The following METTL15 variants were observed in gnomAD, a reference collection of about 807,000 sequenced individuals.
METTL15 encodes the protein methyltransferase 15, mitochondrial 12S rRNA N4-cytidine.
METTL15 carries 34 observed loss-of-function variants against 38.3 expected under a neutral mutation model. The ratio of observed to expected loss-of-function variants is 0.89; its 90% CI spans 0.68 to 1.18. The LOEUF (loss-of-function observed/expected upper bound fraction) is 1.18. METTL15 is among the 50% of genes most tolerant of loss of function. The pLI is 0.00. For missense variants in METTL15, 438 were observed against 498.4 expected, an observed-to-expected ratio of 0.88 and a Z score of 1.15; for synonymous variants, 162 against 170.9, an observed-to-expected ratio of 0.95 and a Z score of 0.41.
chr11:28,151,190 A>G (rs1037777875), intron 3 of METTL15, among the ~76,000 whole-genome samples: 2 of 151,910 alleles, frequency 1.3e-5, no homozygotes, highest in East Asian at 1.9e-4. Context: ...ATTATACTAT[A>G]TATAATTTAC....
chr11:28,479,815 A>G lies in METTL15; in HGVS notation c.*425-46663A>G, dbSNP rs7948636. 7.1e-3 allele frequency among the ~76,000 whole-genome samples: 1,075 copies of G among 152,322 alleles called. 8 individuals carry two copies. Among genetic ancestry groups the G allele is most frequent in the African/African-American group, 0.023 (975 of 41,584 alleles). The stretch of plus-strand genomic sequence containing the variant: ...ATGTACATGTTTATAAGTTTATTAA[A>G]CATTTTACTAACATAAAGTATGTGC... On this transcript the variant is annotated intron_variant and NMD_transcript_variant, in intron 6 of 7. Coordinates refer to the METTL15 transcript ENST00000532947.
intron 6 of METTL15, among the ~76,000 whole-genome samples, chr11:28,297,375 A>G (rs895445593): frequency 6.6e-6 from 1 of 152,062 alleles, no homozygotes; most frequent in South Asian, 2.1e-4. Context: ...ATTTTGGGCA[A>G]AAGGAGAATT....
chr11:28,461,164 T>A (rs1003903306), intron 6 of METTL15, among the ~76,000 whole-genome samples: 1 of 152,080 alleles, frequency 6.6e-6, no homozygotes, highest in Non-Finnish European at 1.5e-5. Flanking sequence ...AGGGTTGGCA[T>A]CATTAGATAA....
chr11:28,370,576 G>A (rs1225176907), intron 5 of METTL15, among the ~76,000 whole-genome samples: 1 of 151,872 alleles, frequency 6.6e-6, no homozygotes, highest in Non-Finnish European at 1.5e-5. Flanking sequence ...ATACCCAATA[G>A]TAGAATTGCT....
chr11:28,290,161 C>T, intron 4 of METTL15, 45 bp from the exon 5 acceptor site: 1 of 1,497,320 alleles, frequency 6.7e-7, no homozygotes, highest in Non-Finnish European at 9.0e-7. Flanking sequence ...AGAAAGACTT[C>T]AATCTAACAG....
intron 4 of METTL15, among the ~76,000 whole-genome samples, chr11:28,267,504 C>T (rs1463993913): frequency 6.6e-6 from 1 of 152,130 alleles, no homozygotes; most frequent in Non-Finnish European, 1.5e-5. Context: ...TTTGATATTA[C>T]TTGTCACTTA....
chr11:28,122,355 GTGTGTGTGTGTGTGTGTATATATA>G (rs1852284020), intron 3 of METTL15, among the ~76,000 whole-genome samples: 1 of 118,452 alleles, frequency 8.4e-6, no homozygotes, highest in Non-Finnish European at 1.8e-5. Flanking sequence ...GTGTGTGTGT[GTGTGTGTGTGTGTGTGTATATATA>G]TATATATATA....
chr11:28,417,868 A>G (rs1850786764), intron 5 of METTL15, among the ~76,000 whole-genome samples: 2 of 152,198 alleles, frequency 1.3e-5, no homozygotes, highest in Admixed American at 1.3e-4. Flanking sequence ...ATATGTATAA[A>G]AATAGGTTCA....
chr11:28,348,567 C>G (rs191690826), intron 3 of METTL15, among the ~76,000 whole-genome samples: 3 of 152,192 alleles, frequency 2.0e-5, no homozygotes, highest in Non-Finnish European at 2.9e-5. Context: ...CGGAGTCTCA[C>G]TATGTTGCCC....
chr11:28,330,646 C>T lies in METTL15; in HGVS notation c.1029C>T (p.Asn343=), dbSNP rs1420681848. The T allele has an allele frequency of 6.4e-7, 1 of 1,551,356 alleles. No individual in the cohort carries two copies. Among genetic ancestry groups the T allele is most frequent in the South Asian group, 1.2e-5 (1 of 84,050 alleles). The change falls in exon 7 of 7, where the codon AAC becomes AAT. Residue 343 remains asparagine, a synonymous_variant. Coordinates refer to ENST00000407364, the MANE Select transcript of METTL15 (RefSeq NM_001113528.2). ...LLGISMTERF[N]LSVRQQVMKT... is the part of the protein sequence containing the mutation. Reference sequence around the variant, plus strand: ...GAATAAGCATGACAGAAAGATTTAACCTAAGTGTTAGACAACAAGTGATGA... The same window carrying T: ...GAATAAGCATGACAGAAAGATTTAATCTAAGTGTTAGACAACAAGTGATGA...
At chr11:28,428,966 T>C (rs776886070) in intron 6 of METTL15, among the ~76,000 whole-genome samples, 2 of 152,126 alleles carry the variant, frequency 1.3e-5, no homozygotes, top group Non-Finnish European at 2.9e-5. Context: ...ATATTACCTT[T>C]ATCTGGAAGG....
chr11:28,126,222 G>A (rs1852479964), intron 3 of METTL15, among the ~76,000 whole-genome samples: 2 of 152,044 alleles, frequency 1.3e-5, no homozygotes, highest in African/African-American at 2.4e-5. Flanking sequence ...TGGCCACCCT[G>A]TCTGAAATTT....
intron 6 of METTL15, among the ~76,000 whole-genome samples, chr11:28,511,006 A>T (rs1564952096): frequency 2.0e-5 from 3 of 152,172 alleles, no homozygotes; most frequent in Admixed American, 1.3e-4. Context: ...GAGGCTAGTG[A>T]TGTATCGTAG....
At chr11:28,446,397 A>G (rs1389291724) in intron 6 of METTL15, among the ~76,000 whole-genome samples, 2 of 152,098 alleles carry the variant, frequency 1.3e-5, no homozygotes, top group Non-Finnish European at 2.9e-5. Flanking sequence ...TCTGTTGATC[A>G]CTAACTTCCT....
intron 4 of METTL15, among the ~76,000 whole-genome samples, chr11:28,235,992 A>G (rs936237827): frequency 6.6e-6 from 1 of 151,898 alleles, no homozygotes; most frequent in Non-Finnish European, 1.5e-5. Flanking sequence ...TCAATACCTA[A>G]TTTATTGAGA....
intron 5 of METTL15, among the ~76,000 whole-genome samples, chr11:28,292,716 G>A (rs372278306): frequency 7.2e-4 from 109 of 152,016 alleles, no homozygotes; most frequent in African/African-American, 1.3e-3. Context: ...CCTCTCCAGC[G>A]CCTGTTGTTT....
intron 3 of METTL15, among the ~76,000 whole-genome samples, chr11:28,138,440 G>T (rs1468844340): frequency 6.6e-6 from 1 of 152,002 alleles, no homozygotes; most frequent in Non-Finnish European, 1.5e-5. Context: ...TCTAACTTTT[G>T]AACATTACCA....
chr11:28,160,765 G>A (rs192830886), intron 3 of METTL15, among the ~76,000 whole-genome samples: 7 of 152,010 alleles, frequency 4.6e-5, no homozygotes, highest in African/African-American at 1.7e-4. Context: ...TCCATTTCTT[G>A]TATATAAATG....
chr11:28,203,588 T>A (rs1852195314), intron 3 of METTL15, among the ~76,000 whole-genome samples: 1 of 152,086 alleles, frequency 6.6e-6, no homozygotes, highest in South Asian at 2.1e-4. Context: ...ATCTACATTT[T>A]ACTATTAGCT....
Sources: gnomAD v4.1 joint callset for allele counts (sites outside exome capture counted in the v4.1 genomes callset) on GRCh38, gnomAD v4.1.1 for gene constraint, MANE v1.5 for transcripts, NCBI Gene and HGNC (gene_info 2026-07-23, HGNC 2026-07-21) for gene names.